The following MED13 variants were observed in gnomAD, a reference collection of about 807,000 sequenced individuals.
MED13 encodes mediator of RNA polymerase II transcription subunit 13.
In MED13, 23 loss-of-function variants were observed where a neutral mutation model predicts 225.2. That is an observed-to-expected ratio of 0.10 (90% confidence interval 0.07 to 0.14). MED13 has a LOEUF of 0.14. Ranked by LOEUF, MED13 falls within the 10% of genes least tolerant of loss-of-function variation. The pLI is 1.00. For missense variants in MED13, 2,197 were observed against 2,594.5 expected (o/e 0.85, Z 3.33); for synonymous variants, 942 against 889.2 (o/e 1.06, Z -1.06).
At chr17:62,034,352 T>C (rs2080783547) in intron 4 of MED13, among the ~76,000 whole-genome samples, 1 of 151,938 alleles carries the variant, frequency 6.6e-6, no homozygotes, top group Non-Finnish European at 1.5e-5. Context: ...CTGGGTGTGG[T>C]TGCACACGCC....
Position 61,982,901 on chromosome 17 carries a change from G to T in MED13, c.3102C>A (p.Val1034=). 6.2e-7 allele frequency: 1 copy of T among 1,614,140 alleles called. No homozygotes were observed. The highest frequency in any genetic ancestry group is 8.5e-7 in the Non-Finnish European group (1 of 1,180,020). Residue 1034 remains valine (V), a synonymous_variant, in exon 16 of 30, where the codon GTC becomes GTA. Coordinates refer to ENST00000397786, the MANE Select transcript of MED13 (RefSeq NM_005121.3). ...AATACAAGTCTGAATTTTCATATTT[G>T]ACTGAACCTTGAGCACTAGCAGGTC... The part of the protein sequence containing the change: ...AGGPASAQGS[V]KYENSDLYSP...
chr17:62,015,938 ATATATATATATATATATTTTTTT>A (rs1313671336), intron 8 of MED13, among the ~76,000 whole-genome samples: 3 of 9,012 alleles, frequency 3.3e-4, no homozygotes, highest in Non-Finnish European at 5.2e-4. Flanking sequence ...ATATATATAT[ATATATATATATATATATTTTTTT>A]TTTTTTTTTT....
chr17:62,056,171 A>C (rs1484287152), intron 2 of MED13, among the ~76,000 whole-genome samples: 3 of 152,240 alleles, frequency 2.0e-5, no homozygotes, highest in Admixed American at 2.0e-4. Context: ...TTTGTTGGGA[A>C]TCACTTAGAA....
At chr17:62,058,257 TA>T (rs1568007565) in intron 2 of MED13, among the ~76,000 whole-genome samples, 1 of 152,068 alleles carries the variant, frequency 6.6e-6, no homozygotes, top group Non-Finnish European at 1.5e-5. Flanking sequence ...CTCATGCCTG[TA>T]ATCCCAGCAC....
At chr17:62,059,765 T>C (rs1405729148) in intron 2 of MED13, among the ~76,000 whole-genome samples, 1 of 152,196 alleles carries the variant, frequency 6.6e-6, no homozygotes, top group Non-Finnish European at 1.5e-5. Flanking sequence ...AAGACAAATA[T>C]ATTCCATCTG....
intron 8 of MED13, among the ~76,000 whole-genome samples, chr17:62,020,834 G>C (rs1200909111): frequency 6.6e-6 from 1 of 151,884 alleles, no homozygotes; most frequent in African/African-American, 2.4e-5. Flanking sequence ...AGGACCCTGC[G>C]GCCTTCCTCA....
intron 8 of MED13, among the ~76,000 whole-genome samples, chr17:62,013,446 TA>T (rs1282105043): frequency 6.6e-6 from 1 of 152,138 alleles, no homozygotes; most frequent in African/African-American, 2.4e-5. Context: ...TCTCAATAAC[TA>T]TAGAAAAAAC....
At chr17:62,020,052 G>A (rs531782962) in intron 8 of MED13, among the ~76,000 whole-genome samples, 1 of 151,802 alleles carries the variant, frequency 6.6e-6, no homozygotes, top group African/African-American at 2.4e-5. Context: ...CCAAACAACT[G>A]AACTTCATGC....
chr17:61,961,162 C>T lies in MED13; in HGVS notation c.5257-72G>A, dbSNP rs1567944096. ...GAAATATTGCATTTAAAATGTAATT[C>T]TTATCTACCCAATTATAAGATAATT... On this transcript the variant is annotated intron_variant, in intron 22 of 29. Transcript: ENST00000397786. 5.0e-6 allele frequency: 6 copies of T among 1,208,720 alleles called. No individual in the cohort carries two copies. In the South Asian group the frequency reaches 7.1e-5, roughly 14 times the overall value. 74.9% of individuals were successfully genotyped at this position (1,208,720 alleles called of 1,614,324 possible).
At chr17:62,031,403 T>C in intron 6 of MED13, 41 bp downstream of exon 6, 1 of 1,452,880 alleles carries the variant, frequency 6.9e-7, no homozygotes, top group Non-Finnish European at 9.2e-7. Context: ...GTACACAAAA[T>C]AACAAATTAC....
chr17:61,983,048 C>T lies in MED13; in HGVS notation c.2955G>A (p.Gly985=), dbSNP rs1321702671. The stretch of plus-strand genomic sequence containing the variant: ...TAGGAGGTGCACTGCTAGGAGGCAT[C>T]CCAAAAGAAGTATGAGTTTGAGGTG... ...AYTPQTHTSF[G]MPPSSAPPSN... Residue 985 remains glycine (G), a synonymous_variant, in exon 16 of 30, where the codon GGG becomes GGA. Coordinates refer to ENST00000397786, the MANE Select transcript of MED13 (RefSeq NM_005121.3). The T allele has an allele frequency of 6.2e-7, 1 of 1,613,652 alleles. No homozygotes were observed.
chr17:62,029,288 T>G (rs1166935703), intron 8 of MED13: 3 of 496,472 alleles, frequency 6.0e-6, no homozygotes, highest in Non-Finnish European at 1.1e-5. Context: ...CATATAAAAT[T>G]GTCTTTTATT....
intron 11 of MED13, among the ~76,000 whole-genome samples, chr17:61,989,850 G>A (rs1173667724): frequency 6.6e-6 from 1 of 152,148 alleles, no homozygotes; most frequent in African/African-American, 2.4e-5. Flanking sequence ...GCCATTCAGG[G>A]CCTTTTGTGA....
chr17:61,962,895 C>T lies in MED13; in HGVS notation c.4921G>A (p.Val1641Ile), dbSNP rs111478006. The T allele has an allele frequency of 1.1e-4, 185 of 1,614,044 alleles. 6 individuals are homozygous for T. The African/African-American group carries it at 1.6e-3, about 14-fold the overall frequency. The part of the protein sequence containing the change: ...HAVTYPPAIV[V>I]YIIDPFTYEN... ...TATGTAAAAGGATCAATTATATAAA[C>T]AACAATTGCAGGTGGATACGTGACT... Residue 1641 changes from valine (V) to isoleucine (I), a missense_variant, in exon 21 of 30, where the codon GTT becomes ATT. By Grantham distance (29) the Val-to-Ile change is conservative (BLOSUM62 3). This residue lies in a region of MED13 where 457 missense variants were observed against 442.2 expected (regional missense o/e 1.03). Transcript: ENST00000397786.
intron 27 of MED13, among the ~76,000 whole-genome samples, chr17:61,952,572 T>G (rs980689977): frequency 3.4e-4 from 51 of 152,210 alleles, no homozygotes; most frequent in Non-Finnish European, 1.3e-4. Context: ...TTCAAAGTAC[T>G]GATGTCCATG....
At chr17:62,023,493 CTG>C (rs1174194186) in intron 8 of MED13, among the ~76,000 whole-genome samples, 1 of 152,164 alleles carries the variant, frequency 6.6e-6, no homozygotes, top group African/African-American at 2.4e-5. Flanking sequence ...GAGGAAGGGG[CTG>C]TGTTAATAGG....
chr17:62,023,075 T>C (rs1424734726), intron 8 of MED13, among the ~76,000 whole-genome samples: 1 of 152,184 alleles, frequency 6.6e-6, no homozygotes, highest in Non-Finnish European at 1.5e-5. Context: ...AGTATCTAAT[T>C]GGCAACTAGC....
rs1568012170 is a variant in MED13, at chr17:62,065,126, G to A, written c.66+14C>T. 4 of 1,547,938 alleles carry A rather than the reference G, an allele frequency of 2.6e-6. No homozygotes were observed. Among genetic ancestry groups the A allele is most frequent in the Middle Eastern group, 1.7e-4 (1 of 5,930 alleles). ...GGCCCCCCTCCCTCGGCGCCCGCCG[G>A]CCCCGGCACTCACCAGGCAGAAGAG... On this transcript the variant is annotated intron_variant, in intron 1 of 29. Coordinates refer to ENST00000397786, the MANE Select transcript of MED13 (RefSeq NM_005121.3).
chr17:61,953,164 G>A (rs772123376), intron 26 of MED13, 51 bp from the exon 27 acceptor site: 2 of 1,548,844 alleles, frequency 1.3e-6, no homozygotes, highest in Non-Finnish European at 1.7e-6. Flanking sequence ...CATATCCTAT[G>A]GTCATTCACA....
Sources: allele counts gnomAD v4.1 joint callset (sites outside exome capture counted in the v4.1 genomes callset), GRCh38; gene constraint gnomAD v4.1.1; regional missense constraint gnomAD v4.1.1; transcripts MANE v1.5; gene names NCBI Gene and HGNC (gene_info 2026-07-23, HGNC 2026-07-21).